CMTM6: variants seen among roughly 807,000 people sequenced by gnomAD.
CMTM6 encodes CKLF like MARVEL transmembrane domain containing 6.
CMTM6 carries 5 observed loss-of-function variants against 13.6 expected under a neutral mutation model. That is an observed-to-expected ratio of 0.37 (90% CI 0.19 to 0.77). The LOEUF (loss-of-function observed/expected upper bound fraction) is 0.77. Ranked by LOEUF, CMTM6 falls within the 30% of genes least tolerant of loss-of-function variation. The probability of loss-of-function intolerance (pLI) is 0.50; values close to 1 mark genes in which losing one functional copy is unlikely to be tolerated. For missense variants in CMTM6, 196 were observed against 218.6 expected (o/e 0.90, Z 0.65); for synonymous variants, 99 against 84.5 (o/e 1.17, Z -0.94).
rs566402382 is a variant in CMTM6 at position 32,481,786 on chromosome 3, A to C, written c.*2174T>G. 1 of 152,376 alleles carries C rather than the reference A, an allele frequency of 6.6e-6. No homozygotes were observed. The highest frequency in any genetic ancestry group is 2.1e-4 in the South Asian group (1 of 4,834). 9.4% of individuals were successfully genotyped at this position (152,376 alleles called of 1,614,324 possible). A position where few individuals can be genotyped will look rare whatever the true frequency, so the allele number is the denominator to read the frequency against. On this transcript the variant is annotated 3_prime_UTR_variant, in exon 4 of 4. Transcript: ENST00000205636. ...GGTTCTAAGAGTGACCAAATATACCAGTGAACATACTATCTTTCTGAAAAA... is the reference window on the plus strand; with the variant it reads ...GGTTCTAAGAGTGACCAAATATACCCGTGAACATACTATCTTTCTGAAAAA...
At chr3:32,486,802 C>T (rs1697209463) in intron 3 of CMTM6, among the ~76,000 whole-genome samples, 1 of 152,158 alleles carries the variant, frequency 6.6e-6, no homozygotes, top group African/African-American at 2.4e-5. Flanking sequence ...GGCAGACTCC[C>T]CCTCTGGCGC....
chr3:32,495,084 T>C (rs1300027209), intron 1 of CMTM6, among the ~76,000 whole-genome samples: 1 of 152,180 alleles, frequency 6.6e-6, no homozygotes, highest in East Asian at 1.9e-4. Flanking sequence ...AATTCAAATC[T>C]ATACTGGTAT....
intron 2 of CMTM6, 110 bp downstream of exon 2, chr3:32,491,600 A>T: frequency 1.1e-6 from 1 of 945,066 alleles, no homozygotes; most frequent in Non-Finnish European, 1.5e-6. Context: ...AACAAGGGAT[A>T]CTGTCTTTTC....
chr3:32,495,462 TTGCC>T (rs1357950172), intron 1 of CMTM6, among the ~76,000 whole-genome samples: 37 of 152,252 alleles, frequency 2.4e-4, no homozygotes, highest in African/African-American at 8.7e-4. Context: ...AACATTTCAC[TTGCC>T]TTTTTCTTGC....
At chr3:32,488,426 G>A (rs1697223675) in intron 2 of CMTM6, 1 of 152,910 alleles carries the variant, frequency 6.5e-6, no homozygotes, top group Non-Finnish European at 1.4e-5. Flanking sequence ...AAGTGTTTGT[G>A]TGTGTCCTCT....
intron 1 of CMTM6, among the ~76,000 whole-genome samples, 183 bp from the exon 2 acceptor site, chr3:32,492,069 G>A (rs1464908977): frequency 6.6e-6 from 1 of 152,118 alleles, no homozygotes. Context: ...AGGAAATACA[G>A]GTAAATAAAG....
intron 2 of CMTM6, among the ~76,000 whole-genome samples, chr3:32,489,604 A>T (rs2125656841): frequency 2.0e-5 from 3 of 151,914 alleles, no homozygotes; most frequent in Admixed American, 2.0e-4. Context: ...GTGAGCCGAG[A>T]TCGTGCCATT....
chr3:32,492,336 AC>A (rs1441650150), intron 1 of CMTM6, among the ~76,000 whole-genome samples: 2 of 152,100 alleles, frequency 1.3e-5, no homozygotes, highest in African/African-American at 4.8e-5. Context: ...GACAACACAC[AC>A]CCCGACCTCC....
intron 1 of CMTM6, among the ~76,000 whole-genome samples, chr3:32,493,556 A>G (rs1559425053): frequency 1.3e-5 from 2 of 152,104 alleles, no homozygotes; most frequent in African/African-American, 2.4e-5. Context: ...CTCAAAGGAG[A>G]GGTCTAAGAT....
chr3:32,490,432 T>G (rs1447120815), intron 2 of CMTM6, among the ~76,000 whole-genome samples: 2 of 152,160 alleles, frequency 1.3e-5, no homozygotes, highest in Non-Finnish European at 1.5e-5. Context: ...AGGTAAAAAG[T>G]AGAATATATG....
intron 1 of CMTM6, among the ~76,000 whole-genome samples, chr3:32,495,165 G>T (rs1697280044): frequency 6.6e-6 from 1 of 151,986 alleles, no homozygotes; most frequent in African/African-American, 2.4e-5. Flanking sequence ...CAACTGCAAA[G>T]AATTTATATA....
chr3:32,500,881 AT>A, intron 1 of CMTM6, among the ~76,000 whole-genome samples: 1 of 152,302 alleles, frequency 6.6e-6, no homozygotes, highest in Middle Eastern at 3.4e-3. Flanking sequence ...AATACAGATG[AT>A]TTTTTTCGAG....
intron 1 of CMTM6, among the ~76,000 whole-genome samples, chr3:32,496,406 A>G (rs1697291503): frequency 6.6e-6 from 1 of 150,416 alleles, no homozygotes; most frequent in Admixed American, 6.6e-5. Flanking sequence ...ACATGGTGAA[A>G]CCCCATCTCT....
At position 32,486,320 on chromosome 3, in the gene CMTM6, C is replaced by T. The variant is rs948139038; in HGVS notation, c.414+1618G>A. ...GGCCATGATCCTTAATTTACAATTCCGAAACCCAAAGAACTACATTAACTC... is the reference window on the plus strand; with the variant it reads ...GGCCATGATCCTTAATTTACAATTCTGAAACCCAAAGAACTACATTAACTC... On this transcript the variant is annotated intron_variant, in intron 3 of 3. Transcript: ENST00000205636. Among the ~76,000 whole-genome samples, 3 of 152,174 alleles carry T rather than the reference C, an allele frequency of 2.0e-5. No individual in the cohort carries two copies. In the South Asian group the frequency reaches 6.2e-4, roughly 32 times the overall value.
In CMTM6 at chr3:32,481,732, T is replaced by C. The variant is rs1697155174; in HGVS notation, c.*2228A>G. 1 of 152,222 alleles carries C rather than the reference T, an allele frequency of 6.6e-6. No homozygotes were observed. Among genetic ancestry groups the C allele is most frequent in the African/African-American group, 2.4e-5 (1 of 41,468 alleles). 9.4% of individuals were successfully genotyped at this position (152,222 alleles called of 1,614,324 possible). A position where few individuals can be genotyped will look rare whatever the true frequency, so the allele number is the denominator to read the frequency against. On this transcript the variant is annotated 3_prime_UTR_variant, in exon 4 of 4. Coordinates refer to ENST00000205636, the MANE Select transcript of CMTM6 (RefSeq NM_017801.3). The stretch of plus-strand genomic sequence containing the variant: ...ATAGAAAAGAAAGGCTAACCATTCA[T>C]GGGTCCCATAAAAAACAATGTGAAG...
intron 1 of CMTM6, among the ~76,000 whole-genome samples, 169 bp downstream of exon 1, chr3:32,502,439 G>A (rs984535897): frequency 4.6e-5 from 7 of 152,228 alleles, no homozygotes; most frequent in Non-Finnish European, 8.8e-5. Flanking sequence ...CCCGGCGGAA[G>A]GGCGGAGGGT....
intron 3 of CMTM6, among the ~76,000 whole-genome samples, 189 bp from the exon 4 acceptor site, chr3:32,484,286 C>T (rs764846918): frequency 3.9e-5 from 6 of 152,058 alleles, no homozygotes; most frequent in East Asian, 1.9e-4. Flanking sequence ...AAAAGAAAAA[C>T]TTCCAGAATA....
At chr3:32,491,576 G>T in intron 2 of CMTM6, 134 bp downstream of exon 2, 1 of 700,640 alleles carries the variant, frequency 1.4e-6, no homozygotes, top group Non-Finnish European at 2.2e-6. Flanking sequence ...GTGCTTAGAA[G>T]CAGAGCGAGT....
At chr3:32,488,250 A>G in intron 2 of CMTM6, 1 of 424,834 alleles carries the variant, frequency 2.4e-6, no homozygotes, top group Non-Finnish European at 4.3e-6. Context: ...GGGATTATTG[A>G]GAGAACACAT....
Sources: allele counts gnomAD v4.1 joint callset (sites outside exome capture counted in the v4.1 genomes callset), GRCh38; gene constraint gnomAD v4.1.1; transcripts MANE v1.5; gene names NCBI Gene and HGNC (gene_info 2026-07-23, HGNC 2026-07-21).